The following BICC1 variants were observed in gnomAD, a reference collection of about 807,000 sequenced individuals.
BICC1 encodes BicC family RNA binding protein 1, also known as protein bicaudal C homolog 1.
In BICC1, 43 loss-of-function variants were observed where a neutral mutation model predicts 111.0. The ratio of observed to expected loss-of-function variants is 0.39; its 90% CI spans 0.30 to 0.50. The LOEUF (loss-of-function observed/expected upper bound fraction) is 0.50, where lower values mean the gene tolerates loss of function less well. Among genes scored for constraint, BICC1 ranks in the 20% least tolerant of loss-of-function variants. The pLI is 0.88. For missense variants in BICC1, 1,091 were observed against 1,203.2 expected (o/e 0.91, Z 1.38); for synonymous variants, 467 against 434.4 (o/e 1.07, Z -0.93).
At chr10:58,616,837 C>A (rs958748599) in intron 1 of BICC1, among the ~76,000 whole-genome samples, 1 of 152,236 alleles carries the variant, frequency 6.6e-6, no homozygotes, top group African/African-American at 2.4e-5. Context: ...ATGTGCATAG[C>A]CCCACCATAT....
chr10:58,520,193 C>T (rs1352284768), intron 1 of BICC1, among the ~76,000 whole-genome samples: 5 of 152,150 alleles, frequency 3.3e-5, no homozygotes, highest in African/African-American at 1.2e-4. Context: ...ACTGTTCTTA[C>T]TTAAAAAATA....
At chr10:58,625,839 G>A (rs967679711) in intron 2 of BICC1, among the ~76,000 whole-genome samples, 1 of 152,094 alleles carries the variant, frequency 6.6e-6, no homozygotes, top group Non-Finnish European at 1.5e-5. Context: ...TTATTGAGGG[G>A]CAGCAGAGTT....
chr10:58,664,211 C>T (rs1838936572), intron 2 of BICC1, among the ~76,000 whole-genome samples: 1 of 152,132 alleles, frequency 6.6e-6, no homozygotes, highest in Non-Finnish European at 1.5e-5. Flanking sequence ...TGTTTCACAT[C>T]CTTGTCAGCA....
intron 1 of BICC1, among the ~76,000 whole-genome samples, chr10:58,565,644 C>G (rs1340422135): frequency 6.6e-6 from 1 of 152,102 alleles, no homozygotes; most frequent in Non-Finnish European, 1.5e-5. Flanking sequence ...AATTAGATCT[C>G]TCTTTGCTTC....
At chr10:58,528,068 A>C (rs1255835996) in intron 1 of BICC1, among the ~76,000 whole-genome samples, 1 of 151,944 alleles carries the variant, frequency 6.6e-6, no homozygotes, top group Non-Finnish European at 1.5e-5. Flanking sequence ...GAGCTGTGAA[A>C]ATATCTGGAC....
chr10:58,706,786 A>G (rs141074452), intron 3 of BICC1, among the ~76,000 whole-genome samples: 2,385 of 152,324 alleles, frequency 0.016, 55 homozygotes, highest in African/African-American at 0.055. Flanking sequence ...AAGTTTCCTG[A>G]GGCCTCCCCA....
chr10:58,701,381 G>A lies in BICC1; in HGVS notation c.238-693G>A, dbSNP rs114976660. On this transcript the variant is annotated intron_variant, in intron 2 of 20. Coordinates refer to ENST00000373886, the MANE Select transcript of BICC1 (RefSeq NM_001080512.3). ...AAATCCTGTTCTTTTCTTATTTACC[G>A]TCCATTTCCGTTGCTGGGCAGTCGT... is the stretch of plus-strand genomic sequence containing the variant. Among the ~76,000 whole-genome samples, 1,221 of 152,146 alleles carry A rather than the reference G, an allele frequency of 8.0e-3. 20 individuals are homozygous for A. The highest frequency in any genetic ancestry group is 0.028 in the African/African-American group (1,162 of 41,514).
At chr10:58,816,990 A>G (rs796761904) in intron 18 of BICC1, among the ~76,000 whole-genome samples, 1 of 152,068 alleles carries the variant, frequency 6.6e-6, no homozygotes. Context: ...GAACCCCAGC[A>G]TCATTCTTAT....
chr10:58,523,857 C>T (rs1251801988), intron 1 of BICC1, among the ~76,000 whole-genome samples: 3 of 152,170 alleles, frequency 2.0e-5, no homozygotes, highest in African/African-American at 7.2e-5. Context: ...TCAGCAAAGT[C>T]TTAGGATACA....
intron 1 of BICC1, among the ~76,000 whole-genome samples, chr10:58,585,327 G>C (rs2132023712): frequency 6.6e-6 from 1 of 152,200 alleles, no homozygotes; most frequent in African/African-American, 2.4e-5. Flanking sequence ...GATTCAGTTG[G>C]TTGGTGCTGG....
intron 3 of BICC1, among the ~76,000 whole-genome samples, chr10:58,758,684 C>T (rs935629785): frequency 6.6e-6 from 1 of 152,128 alleles, no homozygotes; most frequent in Non-Finnish European, 1.5e-5. Context: ...TTCTCATCAT[C>T]GGTAAGTCTA....
At chr10:58,770,516 A>G (rs1204462441) in intron 3 of BICC1, among the ~76,000 whole-genome samples, 1 of 152,160 alleles carries the variant, frequency 6.6e-6, no homozygotes, top group East Asian at 1.9e-4. Context: ...AATAAGAATT[A>G]TATGTTTGGA....
chr10:58,762,368 G>A (rs1456723936), intron 3 of BICC1, among the ~76,000 whole-genome samples: 1 of 152,200 alleles, frequency 6.6e-6, no homozygotes, highest in Non-Finnish European at 1.5e-5. Flanking sequence ...ATATTGGAGA[G>A]TGTAGGTGTC....
At chr10:58,548,342 G>C (rs1489037306) in intron 1 of BICC1, among the ~76,000 whole-genome samples, 1 of 152,184 alleles carries the variant, frequency 6.6e-6, no homozygotes, top group Non-Finnish European at 1.5e-5. Context: ...CTTATGCACA[G>C]TGCCTTTTGC....
At chr10:58,516,951 T>A (rs1325202490) in intron 1 of BICC1, among the ~76,000 whole-genome samples, 2 of 152,308 alleles carry the variant, frequency 1.3e-5, no homozygotes, top group South Asian at 2.1e-4. Flanking sequence ...GTCTTGGTGT[T>A]TGCCAGAGTA....
chr10:58,813,979 C>A lies in BICC1; in HGVS notation c.2526C>A (p.Asn842Lys). The change falls in exon 18 of 21, where the codon AAC becomes AAA. Residue 842 changes from asparagine (N) to lysine (K), a missense_variant. Physicochemically the swap from Asn to Lys is moderately conservative, Grantham distance 94. Coordinates refer to ENST00000373886, the MANE Select transcript of BICC1 (RefSeq NM_001080512.3). ...ASIGSPKRKQ[N>K]KSTEHYLSSS... The stretch of plus-strand genomic sequence containing the variant: ...TTGGCAGCCCTAAGCGTAAACAAAA[C>A]AAATCAAGTGAGCGTTGTGTTTTAT... 1 of 1,614,028 alleles carries A rather than the reference C, an allele frequency of 6.2e-7. No homozygotes were observed. The highest frequency in any genetic ancestry group is 1.7e-5 in the Admixed American group (1 of 60,016).
intron 15 of BICC1, among the ~76,000 whole-genome samples, chr10:58,803,772 A>G (rs1215738129): frequency 4.6e-5 from 7 of 152,208 alleles, no homozygotes; most frequent in Admixed American, 6.5e-5. Flanking sequence ...AATAATTTTT[A>G]TGATTAAACA....
chr10:58,632,284 G>A (rs540011117), intron 2 of BICC1, among the ~76,000 whole-genome samples: 2 of 152,322 alleles, frequency 1.3e-5, no homozygotes, highest in South Asian at 2.1e-4. Context: ...GATGGTGTTA[G>A]CATGCATGTG....
chr10:58,683,452 A>C (rs1839604876), intron 2 of BICC1, among the ~76,000 whole-genome samples: 1 of 152,194 alleles, frequency 6.6e-6, no homozygotes, highest in South Asian at 2.1e-4. Context: ...ATGGCATTGA[A>C]TCTATAAATT....
Sources: allele counts gnomAD v4.1 joint callset (sites outside exome capture counted in the v4.1 genomes callset), GRCh38; gene constraint gnomAD v4.1.1; transcripts MANE v1.5; gene names NCBI Gene and HGNC (gene_info 2026-07-23, HGNC 2026-07-21).